Variants in SNAP47 observed in about 807,000 individuals in gnomAD.
SNAP47 encodes synaptosome associated protein 47, also known as synaptosomal-associated protein 47.
SNAP47 carries 20 observed loss-of-function variants against 31.4 expected under a neutral mutation model. The observed-to-expected ratio is 0.64, with a 90% confidence interval of 0.45 to 0.93. The LOEUF is 0.93. SNAP47 is among the 40% of genes least tolerant of loss of function. SNAP47 has a pLI of 0.00. For missense variants in SNAP47, 492 were observed against 528.5 expected (o/e 0.93, Z 0.68); for synonymous variants, 194 against 213.4 (o/e 0.91, Z 0.79).
intron 1 of SNAP47, among the ~76,000 whole-genome samples, chr1:227,740,486 G>A (rs1169321153): frequency 6.6e-6 from 1 of 152,150 alleles, no homozygotes; most frequent in Non-Finnish European, 1.5e-5. Flanking sequence ...TGCCTTGGAT[G>A]GTGGAACTGT....
Position 227,765,534 on chromosome 1 carries a change from C to T in SNAP47, c.989-1425C>T, listed in dbSNP as rs539843511. On this transcript the variant is annotated intron_variant, in intron 3 of 4. Coordinates refer to ENST00000617596, the MANE Select transcript of SNAP47 (RefSeq NM_053052.4). ...GGTAATGCACAAATTCAGAGAAGCA[C>T]AGTAGTGGGCCGCAGCTTCCCAGAG... 5.3e-5 allele frequency among the ~76,000 whole-genome samples: 8 copies of T among 152,328 alleles called. No individual in the cohort carries two copies. The East Asian group carries it at 9.7e-4, about 18-fold the overall frequency.
chr1:227,731,165 C>T (rs568507681), upstream of SNAP47: 1 of 152,398 alleles, frequency 6.6e-6, no homozygotes, highest in South Asian at 2.1e-4. Flanking sequence ...GCAGGGGGGC[C>T]CAGCATACAG....
chr1:227,767,126 G>T, intron 4 of SNAP47, 43 bp downstream of exon 4: 1 of 1,609,914 alleles, frequency 6.2e-7, no homozygotes, highest in Non-Finnish European at 8.5e-7. Flanking sequence ...CTGTGTCCCA[G>T]TCTTCCCGCA....
intron 4 of SNAP47, 129 bp downstream of exon 4, chr1:227,767,212 G>A: frequency 2.2e-6 from 3 of 1,373,142 alleles, no homozygotes; most frequent in Non-Finnish European, 3.0e-6. Context: ...CCAAGGAGGA[G>A]CTGCTGGCCT....
Position 227,780,732 on chromosome 1 carries a change from G to T in SNAP47, c.*59G>T. 1 of 1,603,562 alleles carries T rather than the reference G, an allele frequency of 6.2e-7. No individual in the cohort carries two copies. The highest frequency in any genetic ancestry group is 8.5e-7 in the Non-Finnish European group (1 of 1,174,382). On this transcript the variant is annotated 3_prime_UTR_variant, in exon 5 of 5. Coordinates refer to ENST00000617596, the MANE Select transcript of SNAP47 (RefSeq NM_053052.4). Reference sequence around the variant, plus strand: ...GCACATCCCGCTGAGATGGAGGGCTGGGCGGCAGTGCCAGGGCTGCAGAGG... The same window carrying T: ...GCACATCCCGCTGAGATGGAGGGCTTGGCGGCAGTGCCAGGGCTGCAGAGG...
chr1:227,739,991 A>G (rs887304089), intron 1 of SNAP47, among the ~76,000 whole-genome samples: 1 of 152,238 alleles, frequency 6.6e-6, no homozygotes, highest in Non-Finnish European at 1.5e-5. Flanking sequence ...CTCTGTTTCC[A>G]TGTGGTGTGG....
At chr1:227,732,162 C>A, upstream of SNAP47, 1 of 594,490 alleles carries the variant, frequency 1.7e-6, no homozygotes, top group South Asian at 2.1e-5. Flanking sequence ...CATCTCCGAG[C>A]TCCCAGCAGG....
chr1:227,739,186 G>T (rs371618729), intron 1 of SNAP47, among the ~76,000 whole-genome samples: 149 of 152,174 alleles, frequency 9.8e-4, no homozygotes, highest in African/African-American at 3.5e-3. Flanking sequence ...TTTAAAACGG[G>T]GTCTTCCTCT....
At chr1:227,733,574 T>C (rs755908566), upstream of SNAP47, 8 of 1,606,632 alleles carry the variant, frequency 5.0e-6, no homozygotes, top group African/African-American at 6.7e-5. Context: ...GCCGTGGCGG[T>C]CCCGCAGGGC....
intron 4 of SNAP47, among the ~76,000 whole-genome samples, chr1:227,772,784 C>T (rs1256941374): frequency 2.0e-5 from 3 of 152,150 alleles, no homozygotes; most frequent in African/African-American, 7.2e-5. Flanking sequence ...GTGTCCAGAT[C>T]GAGTTTTCCC....
exon 1 of SNAP47, chr1:227,728,783 G>T (rs1660462292): frequency 2.6e-5 from 4 of 152,102 alleles, no homozygotes; most frequent in Admixed American, 2.6e-4. Context: ...GGCCGGATTT[G>T]AAGGTAATAC....
At chr1:227,775,647 A>T in intron 4 of SNAP47, 1 of 772,092 alleles carries the variant, frequency 1.3e-6, no homozygotes, top group Non-Finnish European at 1.8e-6. Flanking sequence ...GCCTTGCCCT[A>T]ATGGTGCGCG....
chr1:227,737,511 C>CA (rs1661303046), intron 1 of SNAP47, among the ~76,000 whole-genome samples: 1 of 152,324 alleles, frequency 6.6e-6, no homozygotes, highest in African/African-American at 2.4e-5. Context: ...CCAGACCAAA[C>CA]AGAGGCATCC....
At chr1:227,779,683 A>C (rs1664351821) in intron 4 of SNAP47, among the ~76,000 whole-genome samples, 1 of 152,214 alleles carries the variant, frequency 6.6e-6, no homozygotes, top group Non-Finnish European at 1.5e-5. Context: ...TTCTAGACCT[A>C]GGCTGAGTGT....
At position 227,762,734 on chromosome 1, in the gene SNAP47, G is replaced by A. The variant is rs1043938136; in HGVS notation, c.988+3249G>A. On this transcript the variant is annotated intron_variant, in intron 3 of 4. Coordinates refer to ENST00000617596, the MANE Select transcript of SNAP47 (RefSeq NM_053052.4). This position sits in a 1 kb window ranked among gnomAD's most constrained non-coding sequence, Gnocchi z 4.2. ...TTTTATTCTAGACACTCGTCCTTGC[G>A]TTGAGGAGCACCCAGGACCGCACAA... Among the ~76,000 whole-genome samples, 13 of 152,196 alleles carry A rather than the reference G, an allele frequency of 8.5e-5. No individual in the cohort carries two copies. The highest frequency in any genetic ancestry group is 1.5e-4 in the Non-Finnish European group (10 of 68,040).
chr1:227,762,997 T>C lies in SNAP47; in HGVS notation c.988+3512T>C, dbSNP rs1663161070. 6.6e-6 allele frequency among the ~76,000 whole-genome samples: 1 copy of C among 152,182 alleles called. No individual in the cohort carries two copies. The highest frequency in any genetic ancestry group is 2.1e-4 in the South Asian group (1 of 4,828). ...TTAGAGACAGGGCCTTGCCCTGTCA[T>C]CCAGGCTGGAGTGCAGAGGTGCAAT... On this transcript the variant is annotated intron_variant, in intron 3 of 4. Coordinates refer to ENST00000617596, the MANE Select transcript of SNAP47 (RefSeq NM_053052.4). The surrounding 1 kb of genome is among the most constrained non-coding windows in gnomAD (Gnocchi z 4.2).
intron 2 of SNAP47, among the ~76,000 whole-genome samples, chr1:227,755,990 T>C (rs113849236): frequency 0.066 from 10,050 of 152,258 alleles, 589 homozygotes; most frequent in East Asian, 0.27. Flanking sequence ...GCATCTGCTT[T>C]GCGTTGTCCT....
upstream of SNAP47, chr1:227,735,353 A>G (rs528842478): frequency 6.3e-7 from 1 of 1,594,990 alleles, no homozygotes; most frequent in Non-Finnish European, 8.5e-7. Flanking sequence ...CGGAACCAGA[A>G]GACGCAGGGC....
intron 4 of SNAP47, chr1:227,776,046 C>A: frequency 8.4e-7 from 1 of 1,196,288 alleles, no homozygotes; most frequent in Admixed American, 3.3e-5. Context: ...CAGTGTCAGC[C>A]ACGCATCAGT....
Sources: allele counts gnomAD v4.1 joint callset (sites outside exome capture counted in the v4.1 genomes callset), GRCh38; gene constraint gnomAD v4.1.1; non-coding constraint Gnocchi (gnomAD v3.1); transcripts MANE v1.5; gene names NCBI Gene and HGNC (gene_info 2026-07-23, HGNC 2026-07-21).